The following SH3RF2 variants were observed in gnomAD, a reference collection of about 807,000 sequenced individuals.
The protein encoded by SH3RF2 is E3 ubiquitin-protein ligase SH3RF2.
A neutral mutation model predicts 59.0 loss-of-function variants in SH3RF2; 43 were observed. The ratio of observed to expected loss-of-function variants is 0.73; its 90% CI spans 0.57 to 0.94. The LOEUF is 0.94. SH3RF2 is among the 40% of genes least tolerant of loss of function. The pLI is 0.00. For missense variants in SH3RF2, 930 were observed against 940.1 expected, an observed-to-expected ratio of 0.99 and a Z score of 0.14; for synonymous variants, 391 against 391.5, an observed-to-expected ratio of 1.00 and a Z score of 0.01.
At chr5:146,060,634 G>A (rs1159660782) in intron 9 of SH3RF2, among the ~76,000 whole-genome samples, 1 of 152,222 alleles carries the variant, frequency 6.6e-6, no homozygotes, top group East Asian at 1.9e-4. Context: ...GGTAGAAAGA[G>A]TAATGGCCAC....
At chr5:146,044,599 T>C (rs1440595963) in intron 5 of SH3RF2, among the ~76,000 whole-genome samples, 2 of 152,208 alleles carry the variant, frequency 1.3e-5, no homozygotes, top group Admixed American at 6.5e-5. Context: ...TGTCTTCTTA[T>C]GAATGTATTG....
intron 5 of SH3RF2, among the ~76,000 whole-genome samples, chr5:146,040,127 G>C (rs11748213): frequency 0.28 from 43,110 of 152,108 alleles, 7,737 homozygotes; most frequent in Non-Finnish European, 0.38. Flanking sequence ...CTACCTCTGG[G>C]ATAACTTGGG....
chr5:146,032,480 A>G (rs983660531), intron 5 of SH3RF2, among the ~76,000 whole-genome samples: 3 of 152,150 alleles, frequency 2.0e-5, no homozygotes, highest in African/African-American at 7.2e-5. Flanking sequence ...TTTTTCCAAG[A>G]TTCATATAGG....
chr5:146,055,882 G>T, intron 7 of SH3RF2, 99 bp from the exon 8 acceptor site: 2 of 1,283,616 alleles, frequency 1.6e-6, no homozygotes, highest in Non-Finnish European at 2.2e-6. Flanking sequence ...AGCCACATTT[G>T]GTATGTGGTT....
chr5:146,006,792 C>T (rs542942475), intron 4 of SH3RF2, among the ~76,000 whole-genome samples: 52 of 152,296 alleles, frequency 3.4e-4, no homozygotes, highest in Non-Finnish European at 4.4e-4. Context: ...TGTTATTCCT[C>T]ACCTAAATTC....
chr5:145,982,164 G>A (rs1174802743), intron 2 of SH3RF2, among the ~76,000 whole-genome samples: 2 of 152,176 alleles, frequency 1.3e-5, no homozygotes, highest in African/African-American at 2.4e-5. Flanking sequence ...AAAGCAGCCC[G>A]ACCCTTTCCT....
chr5:146,062,156 A>G (rs1158701266), intron 9 of SH3RF2, among the ~76,000 whole-genome samples: 1 of 152,032 alleles, frequency 6.6e-6, no homozygotes, highest in Non-Finnish European at 1.5e-5. Flanking sequence ...GGCCTACCCT[A>G]TTTCTCCCAG....
At chr5:146,071,367 C>T (rs905011439) in intron 9 of SH3RF2, among the ~76,000 whole-genome samples, 4 of 152,184 alleles carry the variant, frequency 2.6e-5, no homozygotes, top group South Asian at 4.1e-4. Flanking sequence ...GCTTAGATAG[C>T]GCTAGCCTCC....
intron 2 of SH3RF2, among the ~76,000 whole-genome samples, chr5:145,960,148 G>T (rs1758578204): frequency 6.6e-6 from 1 of 152,166 alleles, no homozygotes; most frequent in Non-Finnish European, 1.5e-5. Context: ...CAGCTCCTGG[G>T]CTGAATCAAA....
chr5:146,019,786 T>C (rs1761240490), intron 5 of SH3RF2, among the ~76,000 whole-genome samples: 4 of 152,206 alleles, frequency 2.6e-5, no homozygotes, highest in Admixed American at 6.5e-5. Flanking sequence ...TCAACAGTGT[T>C]TTGTAGTTCT....
In SH3RF2 at chr5:145,999,891, G is replaced by T. The variant is rs192949218; in HGVS notation, c.379-167G>T. ...GAGCACATGGTGTTGGAAGAATGGC[G>T]CTGATAGACCTATTTAACACAGGTT... On this transcript the variant is annotated intron_variant, in intron 2 of 9. Coordinates refer to ENST00000359120, the MANE Select transcript of SH3RF2 (RefSeq NM_152550.4). 4.6e-5 allele frequency among the ~76,000 whole-genome samples: 7 copies of T among 152,300 alleles called. No homozygotes were observed. The East Asian group carries it at 1.2e-3, about 25-fold the overall frequency.
intron 9 of SH3RF2, among the ~76,000 whole-genome samples, chr5:146,077,203 G>T (rs1324992022): frequency 1.3e-5 from 2 of 152,100 alleles, no homozygotes; most frequent in African/African-American, 4.8e-5. Context: ...CCTCACAAGG[G>T]GCTGCCAGAG....
At chr5:145,968,500 G>A (rs1317635252) in intron 2 of SH3RF2, among the ~76,000 whole-genome samples, 1 of 151,790 alleles carries the variant, frequency 6.6e-6, no homozygotes, top group African/African-American at 2.4e-5. Context: ...GCATGTATGT[G>A]GGTTTATATA....
At chr5:145,948,061 TACAA>T (rs959447870) in intron 2 of SH3RF2, among the ~76,000 whole-genome samples, 3 of 152,188 alleles carry the variant, frequency 2.0e-5, no homozygotes, top group Non-Finnish European at 4.4e-5. Context: ...TGGTCAACTC[TACAA>T]ACAGAGTACA....
In SH3RF2 at chr5:145,950,379, T is replaced by C. The variant is rs1758149187; in HGVS notation, c.378+12073T>C. Among the ~76,000 whole-genome samples, 3 of 152,230 alleles carry C rather than the reference T, an allele frequency of 2.0e-5. No individual in the cohort carries two copies. The South Asian group carries it at 6.2e-4, about 31-fold the overall frequency. On this transcript the variant is annotated intron_variant, in intron 2 of 9. Transcript: ENST00000359120. ...CTGGTTGAATCCTTTGGCACCAACA[T>C]TACCATTCTAATGTTGTTGATGAGC... is the stretch of plus-strand genomic sequence containing the variant.
chr5:145,970,199 G>A (rs183956058), intron 2 of SH3RF2, among the ~76,000 whole-genome samples: 1 of 151,734 alleles, frequency 6.6e-6, no homozygotes, highest in Non-Finnish European at 1.5e-5. Context: ...GGTGATTCCT[G>A]AGATTTTGGT....
At chr5:146,050,994 G>A (rs961524236) in intron 7 of SH3RF2, among the ~76,000 whole-genome samples, 1 of 152,184 alleles carries the variant, frequency 6.6e-6, no homozygotes, top group Admixed American at 6.5e-5. Flanking sequence ...TAACACTTTG[G>A]GAGGCTGAGG....
chr5:145,950,023 T>C (rs773202705), intron 2 of SH3RF2, among the ~76,000 whole-genome samples: 2 of 151,732 alleles, frequency 1.3e-5, no homozygotes, highest in Non-Finnish European at 2.9e-5. Flanking sequence ...TTCTCACTGA[T>C]TGGGCATGCA....
chr5:145,989,338 G>C (rs953182412), intron 2 of SH3RF2, among the ~76,000 whole-genome samples: 3 of 152,192 alleles, frequency 2.0e-5, no homozygotes, highest in African/African-American at 7.2e-5. Context: ...ATCTGCACTT[G>C]AGTAATTCTT....
Sources: allele counts gnomAD v4.1 joint callset (sites outside exome capture counted in the v4.1 genomes callset), GRCh38; gene constraint gnomAD v4.1.1; transcripts MANE v1.5; gene names NCBI Gene and HGNC (gene_info 2026-07-23, HGNC 2026-07-21).